The following MKLN1 variants were observed in gnomAD, a reference collection of about 807,000 sequenced individuals.
MKLN1 encodes the protein muskelin 1.
Under a neutral mutation model 99.0 loss-of-function variants are expected in MKLN1, and 18 were observed. That is an observed-to-expected ratio of 0.18 (90% CI 0.13 to 0.27). The LOEUF (loss-of-function observed/expected upper bound fraction) is 0.27. MKLN1 is among the 10% of genes least tolerant of loss of function. The probability of loss-of-function intolerance (pLI) is 1.00; values close to 1 mark genes in which losing one functional copy is unlikely to be tolerated. For missense variants in MKLN1, 621 were observed against 875.9 expected (o/e 0.71, Z 3.67); for synonymous variants, 288 against 293.2 (o/e 0.98, Z 0.18).
chr7:131,487,865 A>G lies in MKLN1; in HGVS notation c.*137A>G, dbSNP rs562548306. The G allele has an allele frequency of 1.4e-5, 14 of 994,690 alleles. No individual in the cohort carries two copies. The highest frequency in any genetic ancestry group is 3.1e-5 in the Admixed American group (1 of 32,772). The allele number at this position is 994,690 out of a possible 1,614,324, so 61.6% of individuals were successfully genotyped here. ...TTCTGAAGGGATCTTAACCATCACA[A>G]GTTTTTACCCTCTTCCTTCATGCCT... On this transcript the variant is annotated 3_prime_UTR_variant, in exon 18 of 18. Transcript: ENST00000352689. This position sits in a 1 kb window ranked among gnomAD's most constrained non-coding sequence, Gnocchi z 4.7.
chr7:131,402,707 T>C (rs1396882478), intron 6 of MKLN1, among the ~76,000 whole-genome samples: 1 of 152,206 alleles, frequency 6.6e-6, no homozygotes, highest in Non-Finnish European at 1.5e-5. Flanking sequence ...TTAATATTCC[T>C]GTGTTTCTCC....
intron 3 of MKLN1, among the ~76,000 whole-genome samples, chr7:131,215,519 A>G (rs1796967627): frequency 6.6e-6 from 1 of 150,758 alleles, no homozygotes; most frequent in Admixed American, 6.6e-5. Flanking sequence ...TAATTTTTAG[A>G]TTATCCGGGG....
rs141538502 is a variant in MKLN1, at chr7:131,168,686, C to CCTTTATGTATATTTT, written c.-297+25774_-297+25788dup. ...GTCTACCTACTAAGTGCCAGTTAAG[C>CCTTTATGTATATTTT]CTTTATGTATATTTTCTTTATGTAT... is the stretch of plus-strand genomic sequence containing the variant. On this transcript the variant is annotated intron_variant, in intron 2 of 7. Transcript: ENST00000416992. Among the ~76,000 whole-genome samples the CCTTTATGTATATTTT allele has an allele frequency of 1.9e-3, 281 of 151,858 alleles. 2 individuals are homozygous for CCTTTATGTATATTTT. The highest frequency in any genetic ancestry group is 6.3e-3 in the African/African-American group (262 of 41,346).
At chr7:131,226,201 T>C (rs1797144985) in intron 3 of MKLN1, among the ~76,000 whole-genome samples, 1 of 152,246 alleles carries the variant, frequency 6.6e-6, no homozygotes, top group African/African-American at 2.4e-5. Flanking sequence ...CTCCCTGTCT[T>C]GTGCAGGCTG....
chr7:131,428,377 A>C (rs1795421399), intron 8 of MKLN1, among the ~76,000 whole-genome samples: 1 of 152,164 alleles, frequency 6.6e-6, no homozygotes, highest in Non-Finnish European at 1.5e-5. Context: ...AATGTACCAC[A>C]ATATATCTGG....
chr7:131,241,866 C>T (rs1310025665), intron 3 of MKLN1, among the ~76,000 whole-genome samples: 1 of 152,104 alleles, frequency 6.6e-6, no homozygotes, highest in Non-Finnish European at 1.5e-5. Context: ...TTGCATAGAC[C>T]CCGCCAGCAT....
chr7:131,434,638 C>T (rs999238745), intron 9 of MKLN1, among the ~76,000 whole-genome samples: 5 of 152,138 alleles, frequency 3.3e-5, no homozygotes, highest in Admixed American at 1.3e-4. Context: ...GCTGCAGCCT[C>T]GACCTTCTGG....
At chr7:131,467,101 C>T (rs929698331) in intron 15 of MKLN1, among the ~76,000 whole-genome samples, 2 of 152,066 alleles carry the variant, frequency 1.3e-5, no homozygotes, top group Admixed American at 6.5e-5. Flanking sequence ...CTTATAATCC[C>T]AGCACTTTGG....
Position 131,494,922 on chromosome 7 carries a change from C to T in MKLN1, c.*7194C>T, listed in dbSNP as rs886518081. The T allele has an allele frequency of 7.1e-6, 1 of 141,476 alleles. No individual in the cohort carries two copies. The highest frequency in any genetic ancestry group is 2.5e-5 in the African/African-American group (1 of 40,550). 8.8% of individuals were successfully genotyped at this position (141,476 alleles called of 1,614,324 possible). On this transcript the variant is annotated 3_prime_UTR_variant, in exon 18 of 18. Transcript: ENST00000352689. ...CGTACATACTTTATAAATATACATA[C>T]ATACACATACACATACATTTTTAAA...
Position 131,463,287 on chromosome 7 carries a change from A to G in MKLN1, c.1596A>G (p.Gly532=). 6.2e-7 allele frequency: 1 copy of G among 1,610,818 alleles called. No homozygotes were observed. The highest frequency in any genetic ancestry group is 8.5e-7 in the Non-Finnish European group (1 of 1,177,576). ...PELNEIHVLS[G]LSKDKEKREE... is the part of the protein sequence containing the mutation. ...TGAATGAAATACACGTCTTATCTGG[A>G]CTCAGCAAAGATAAGGAAAAGAGGG... Residue 532 remains glycine, a synonymous_variant, in exon 13 of 18, where the codon GGA becomes GGG. Transcript: ENST00000352689.
chr7:131,392,206 C>T (rs553329126), intron 4 of MKLN1, among the ~76,000 whole-genome samples: 1 of 152,186 alleles, frequency 6.6e-6, no homozygotes, highest in Admixed American at 6.5e-5. Context: ...AAAAGAGGTA[C>T]AGGGTCTTGG....
chr7:131,247,899 T>TTGTG (rs1211872442), intron 3 of MKLN1, among the ~76,000 whole-genome samples: 1 of 151,912 alleles, frequency 6.6e-6, no homozygotes, highest in Non-Finnish European at 1.5e-5. Context: ...TTTGTTTTGT[T>TTGTG]TGTGCGTGTG....
chr7:131,330,350 G>T (rs946975502), intron 1 of MKLN1, among the ~76,000 whole-genome samples: 1 of 152,182 alleles, frequency 6.6e-6, no homozygotes, highest in African/African-American at 2.4e-5. Flanking sequence ...TAAGCATTTC[G>T]AGGTGGCAGT....
At chr7:131,145,099 A>G (rs1432358319) in intron 2 of MKLN1, among the ~76,000 whole-genome samples, 4 of 152,202 alleles carry the variant, frequency 2.6e-5, no homozygotes, top group African/African-American at 9.7e-5. Flanking sequence ...TCGATGACTA[A>G]GACAATAACA....
At chr7:131,409,005 C>T (rs1029592028) in intron 6 of MKLN1, among the ~76,000 whole-genome samples, 3 of 152,134 alleles carry the variant, frequency 2.0e-5, no homozygotes, top group African/African-American at 7.2e-5. Flanking sequence ...CTGTTCTGAT[C>T]TCTTGCTTTA....
chr7:131,238,211 G>A (rs1429470418), intron 3 of MKLN1, among the ~76,000 whole-genome samples: 3 of 152,150 alleles, frequency 2.0e-5, no homozygotes, highest in African/African-American at 7.2e-5. Context: ...TTGTGTGCCT[G>A]CAAAGGGCAG....
chr7:131,160,677 C>T (rs967621369), intron 2 of MKLN1, among the ~76,000 whole-genome samples: 1 of 146,252 alleles, frequency 6.8e-6, no homozygotes, highest in Non-Finnish European at 1.5e-5. Context: ...TGCCACCACA[C>T]TGTGCTTTTT....
upstream of MKLN1, chr7:131,323,441 T>C (rs189749614): frequency 2.6e-5 from 4 of 152,302 alleles, no homozygotes; most frequent in East Asian, 3.9e-4. Context: ...CAGTCTCTTA[T>C]TTACATGTCT....
At chr7:131,146,339 C>A (rs1795814972) in intron 2 of MKLN1, among the ~76,000 whole-genome samples, 1 of 152,142 alleles carries the variant, frequency 6.6e-6, no homozygotes, top group African/African-American at 2.4e-5. Flanking sequence ...GAGACATTGT[C>A]TCTAAAATAA....
Sources: gnomAD v4.1 joint callset for allele counts (sites outside exome capture counted in the v4.1 genomes callset) on GRCh38, gnomAD v4.1.1 for gene constraint, Gnocchi (gnomAD v3.1) non-coding constraint, MANE v1.5 for transcripts, NCBI Gene and HGNC (gene_info 2026-07-23, HGNC 2026-07-21) for gene names.